PCDHA6: variants seen among roughly 807,000 people sequenced by gnomAD.
The protein encoded by PCDHA6 is protocadherin alpha-6.
In PCDHA6, 55 loss-of-function variants were observed where a neutral mutation model predicts 60.3. That is an observed-to-expected ratio of 0.91 (90% CI 0.73 to 1.14). The LOEUF (loss-of-function observed/expected upper bound fraction) is 1.14, where lower values mean the gene tolerates loss of function less well. Ranked by LOEUF, PCDHA6 falls within the 50% of genes most tolerant of loss-of-function variation. The probability of loss-of-function intolerance (pLI) is 0.00; values close to 1 mark genes in which losing one functional copy is unlikely to be tolerated. For synonymous variants in PCDHA6, 652 were observed against 557.9 expected, an observed-to-expected ratio of 1.17 and a Z score of -2.38; for missense variants, 1,327 against 1,256.5, an observed-to-expected ratio of 1.06 and a Z score of -0.85.
intron 1 of PCDHA6, among the ~76,000 whole-genome samples, chr5:140,909,441 C>A (rs971678951): frequency 2.6e-5 from 4 of 152,214 alleles, no homozygotes; most frequent in African/African-American, 9.7e-5. Flanking sequence ...AATCCACTGT[C>A]ATTCTCCAAG....
rs2150181719 is a variant in PCDHA6 at position 140,830,137 on chromosome 5, G to A, written c.2046G>A (p.Ala682=). 2.7e-5 allele frequency: 44 copies of A among 1,613,174 alleles called. No homozygotes were observed. Among genetic ancestry groups the A allele is most frequent in the African/African-American group, 1.2e-4 (9 of 74,898 alleles). Residue 682 remains alanine, a synonymous_variant, in exon 1 of 4, where the codon GCG becomes GCA. Coordinates refer to ENST00000529310, the MANE Select transcript of PCDHA6 (RefSeq NM_018909.4). Reference sequence around the variant, plus strand: ...AGGCTCCAAAGGCGTCATCACGGGCGTCGGTGGGCGCCGCGGGCCCAGAGG... The same window carrying A: ...AGGCTCCAAAGGCGTCATCACGGGCATCGGTGGGCGCCGCGGGCCCAGAGG... The part of the protein sequence containing the change: ...SGQAPKASSR[A]SVGAAGPEAA...
At chr5:140,971,782 A>G (rs1458049076) in intron 1 of PCDHA6, among the ~76,000 whole-genome samples, 1 of 152,166 alleles carries the variant, frequency 6.6e-6, no homozygotes, top group Non-Finnish European at 1.5e-5. Context: ...ATTCAAGATT[A>G]TTCAATATAT....
At chr5:140,981,601 T>C (rs2096939953) in intron 2 of PCDHA6, among the ~76,000 whole-genome samples, 1 of 152,086 alleles carries the variant, frequency 6.6e-6, no homozygotes, top group Non-Finnish European at 1.5e-5. Flanking sequence ...AACAAAATGT[T>C]CCTCTAATTT....
At chr5:140,994,004 C>T (rs1366489476) in intron 3 of PCDHA6, among the ~76,000 whole-genome samples, 3 of 152,186 alleles carry the variant, frequency 2.0e-5, no homozygotes, top group Non-Finnish European at 2.9e-5. Context: ...AGGCCAGGCT[C>T]TGTTCTAGGT....
At chr5:140,958,923 T>C (rs535689053) in intron 1 of PCDHA6, among the ~76,000 whole-genome samples, 1 of 148,814 alleles carries the variant, frequency 6.7e-6, no homozygotes, top group South Asian at 2.1e-4. Flanking sequence ...CTGGGTGTGG[T>C]GGCTCATACT....
intron 1 of PCDHA6, chr5:140,862,748 C>A: frequency 3.5e-6 from 2 of 577,558 alleles, no homozygotes; most frequent in East Asian, 9.5e-5. Context: ...TGGGTGCACG[C>A]GGAGAGCGGC....
intron 1 of PCDHA6, chr5:140,864,855 T>G (rs1173322611): frequency 1.3e-5 from 2 of 152,178 alleles, no homozygotes; most frequent in African/African-American, 4.8e-5. Flanking sequence ...CCATACATGA[T>G]GAAGGGTGAT....
intron 3 of PCDHA6, among the ~76,000 whole-genome samples, chr5:140,998,588 G>A (rs1315091552): frequency 6.7e-6 from 1 of 148,536 alleles, no homozygotes; most frequent in African/African-American, 2.5e-5. Context: ...TTTTGAGACA[G>A]AGTTTTGCTC....
chr5:140,990,189 A>C (rs2097379694), intron 3 of PCDHA6, among the ~76,000 whole-genome samples: 1 of 152,218 alleles, frequency 6.6e-6, no homozygotes, highest in Non-Finnish European at 1.5e-5. Flanking sequence ...TAAGAACCAA[A>C]TGTGGACCCG....
intron 2 of PCDHA6, 38 bp from the exon 3 acceptor site, chr5:140,982,437 A>G: frequency 6.2e-7 from 1 of 1,613,390 alleles, no homozygotes; most frequent in East Asian, 2.2e-5. Flanking sequence ...GAAAGAATTT[A>G]TGATCTAACC....
chr5:140,853,782 G>C (rs555382075), intron 1 of PCDHA6: 1 of 987,688 alleles, frequency 1.0e-6, no homozygotes, highest in Non-Finnish European at 1.2e-6. Context: ...TGGGTAGTAA[G>C]AGCAAATTTT....
chr5:140,862,447 G>C, intron 1 of PCDHA6: 1 of 362,296 alleles, frequency 2.8e-6, no homozygotes, highest in Non-Finnish European at 5.5e-6. Flanking sequence ...GTACTCCACA[G>C]CGCCCTGGAC....
At position 140,830,224 on chromosome 5, in the gene PCDHA6, G is replaced by A. The variant is rs2150182996; in HGVS notation, c.2133G>A (p.Leu711=). The change falls in exon 1 of 4, where the codon CTG becomes CTA. Residue 711 remains leucine (L), a synonymous_variant. Transcript: ENST00000529310. ...CCATCTGCGCGGTATCCAGCCTGCT[G>A]GTCCTCACGCTACTGCTGTACACAG... ...IIAICAVSSL[L]VLTLLLYTAL... 1 of 1,613,900 alleles carries A rather than the reference G, an allele frequency of 6.2e-7. No homozygotes were observed. The highest frequency in any genetic ancestry group is 8.5e-7 in the Non-Finnish European group (1 of 1,179,902).
intron 1 of PCDHA6, among the ~76,000 whole-genome samples, chr5:140,855,055 T>C (rs562005171): frequency 2.0e-5 from 3 of 150,120 alleles, no homozygotes; most frequent in African/African-American, 7.3e-5. Flanking sequence ...AGTACTTTTC[T>C]GTTTTCTTAA....
At chr5:140,964,753 T>A (rs1411001872) in intron 1 of PCDHA6, among the ~76,000 whole-genome samples, 1 of 149,084 alleles carries the variant, frequency 6.7e-6, no homozygotes, top group East Asian at 1.9e-4. Context: ...TGTAGGGATG[T>A]TTGGGGAGGA....
Position 140,829,072 on chromosome 5 carries a change from T to G in PCDHA6, c.981T>G (p.His327Gln). 2 of 1,612,584 alleles carry G rather than the reference T, an allele frequency of 1.2e-6. No individual in the cohort carries two copies. Among genetic ancestry groups the G allele is most frequent in the Non-Finnish European group, 1.7e-6 (2 of 1,178,656 alleles). ...KILIDATDKG[H>Q]PPMAGHCTVL... ...TCATTGACGCCACGGACAAAGGCCATCCTCCCATGGCGGGTCATTGCACCG... is the reference window on the plus strand; with the variant it reads ...TCATTGACGCCACGGACAAAGGCCAGCCTCCCATGGCGGGTCATTGCACCG... The change falls in exon 1 of 4, where the codon CAT becomes CAG. Residue 327 changes from histidine to glutamine, a missense_variant. Physicochemically the swap from His to Gln is conservative, Grantham distance 24 (BLOSUM62 0). Coordinates refer to ENST00000529310, the MANE Select transcript of PCDHA6 (RefSeq NM_018909.4).
rs59860837 is a variant in PCDHA6 at position 141,005,701 on chromosome 5, C to CAAAAA, written c.2543-3900_2543-3896dup. 5.2e-3 allele frequency among the ~76,000 whole-genome samples: 40 copies of CAAAAA among 7,764 alleles called. 2 individuals are homozygous for CAAAAA. Among genetic ancestry groups the CAAAAA allele is most frequent in the East Asian group, 0.013 (4 of 312 alleles). The allele number at this position is 7,764 out of a possible 152,430, so 5.1% of individuals were successfully genotyped here. On this transcript the variant is annotated intron_variant, in intron 3 of 3. Coordinates refer to ENST00000529310, the MANE Select transcript of PCDHA6 (RefSeq NM_018909.4). ...TGGGCGACAGAGCGAAACTCCGTCT[C>CAAAAA]AAAAAAAAAAAAAAAAAAAAAAAAA...
At position 140,830,062 on chromosome 5, in the gene PCDHA6, G is replaced by A. The variant is rs1770788840; in HGVS notation, c.1971G>A (p.Pro657=). The change falls in exon 1 of 4, where the codon CCG becomes CCA. Residue 657 remains proline (P), a synonymous_variant. Coordinates refer to ENST00000529310, the MANE Select transcript of PCDHA6 (RefSeq NM_018909.4). ...LLVLVKDHGE[P]ALTATATVLV... is the part of the protein sequence containing the mutation. ...TGCTGGTGAAAGACCACGGTGAGCCGGCGCTGACAGCGACGGCCACGGTTC... is the reference window on the plus strand; with the variant it reads ...TGCTGGTGAAAGACCACGGTGAGCCAGCGCTGACAGCGACGGCCACGGTTC... 3 of 1,613,698 alleles carry A rather than the reference G, an allele frequency of 1.9e-6. No homozygotes were observed. The highest frequency in any genetic ancestry group is 1.7e-6 in the Non-Finnish European group (2 of 1,179,866).
chr5:140,924,318 G>C (rs550515387), intron 1 of PCDHA6, among the ~76,000 whole-genome samples: 71 of 152,282 alleles, frequency 4.7e-4, no homozygotes, highest in African/African-American at 1.3e-3. Context: ...AATTTTATCT[G>C]AGACTTGGTG....
Sources: allele counts gnomAD v4.1 joint callset (sites outside exome capture counted in the v4.1 genomes callset), GRCh38; gene constraint gnomAD v4.1.1; transcripts MANE v1.5; gene names NCBI Gene and HGNC (gene_info 2026-07-23, HGNC 2026-07-21).